The following CACNB1 variants were observed in gnomAD, a reference collection of about 807,000 sequenced individuals.
The protein encoded by CACNB1 is voltage-dependent L-type calcium channel subunit beta-1.
Under a neutral mutation model 71.6 loss-of-function variants are expected in CACNB1, and 29 were observed. That is an observed-to-expected ratio of 0.40 (90% confidence interval 0.30 to 0.55). CACNB1 has a LOEUF of 0.55. Ranked by LOEUF, CACNB1 falls within the 20% of genes least tolerant of loss-of-function variation. The pLI, the probability that CACNB1 is intolerant of heterozygous loss-of-function variation, is 0.38. For missense variants in CACNB1, 623 were observed against 801.8 expected, an observed-to-expected ratio of 0.78 and a Z score of 2.69; for synonymous variants, 300 against 319.6, an observed-to-expected ratio of 0.94 and a Z score of 0.65.
chr17:39,191,344 G>C, intron 3 of CACNB1, 130 bp downstream of exon 3: 1 of 806,154 alleles, frequency 1.2e-6, no homozygotes, highest in Non-Finnish European at 1.9e-6. Flanking sequence ...GTGAAGGACA[G>C]AGGAGCAAGG....
rs1567788453 is a variant in CACNB1, at chr17:39,175,523, G to A, written c.1467C>T (p.Gly489=). The A allele has an allele frequency of 6.2e-7, 1 of 1,613,880 alleles. No individual in the cohort carries two copies. The highest frequency in any genetic ancestry group is 1.1e-5 in the South Asian group (1 of 91,082). The stretch of plus-strand genomic sequence containing the variant: ...CTTGGCGGGACAGTGCCCGTAGCGT[G>A]CCTGCCCGGCCTGGTGGGTGGCTGC... ...YPSSHPPGRA[G]TLRALSRQDT... Residue 489 remains glycine (G), a synonymous_variant, in exon 14 of 14, where the codon GGC becomes GGT. Transcript: ENST00000394303. This position sits in a 1 kb window ranked among gnomAD's most constrained non-coding sequence, Gnocchi z 4.7.
At chr17:39,181,247 C>G (rs978284254) in intron 11 of CACNB1, among the ~76,000 whole-genome samples, 2 of 151,682 alleles carry the variant, frequency 1.3e-5, no homozygotes, top group Admixed American at 6.6e-5. Flanking sequence ...GTGCCCACCA[C>G]CATGCGCAGC....
chr17:39,189,520 T>C (rs549913520), intron 3 of CACNB1, among the ~76,000 whole-genome samples: 2 of 151,924 alleles, frequency 1.3e-5, no homozygotes, highest in East Asian at 4.0e-4. Context: ...TGTTTTGAGA[T>C]GGAGTTTCGC....
intron 11 of CACNB1, among the ~76,000 whole-genome samples, chr17:39,178,920 C>T (rs1433362146): frequency 6.6e-6 from 1 of 152,136 alleles, no homozygotes; most frequent in Non-Finnish European, 1.5e-5. Context: ...AGACAGTCTA[C>T]AGAATAGCTG....
At chr17:39,187,765 G>C (rs1451917676) in intron 3 of CACNB1, among the ~76,000 whole-genome samples, 164 bp from the exon 4 acceptor site, 1 of 152,176 alleles carries the variant, frequency 6.6e-6, no homozygotes, top group Non-Finnish European at 1.5e-5. Flanking sequence ...TGTATTTCCA[G>C]CACGTTGGGA....
chr17:39,194,263 G>A lies in CACNB1; in HGVS notation c.171+621C>T, dbSNP rs920527642. Among the ~76,000 whole-genome samples, 1 of 152,180 alleles carries A rather than the reference G, an allele frequency of 6.6e-6. No individual in the cohort carries two copies. The highest frequency in any genetic ancestry group is 1.5e-5 in the Non-Finnish European group (1 of 68,044). ...ATGAGAGCAGCCGCTTACTGACTGA[G>A]CACAGAAGACCCCAGAAAGCTATTC... On this transcript the variant is annotated intron_variant, in intron 2 of 13. Transcript: ENST00000394303. This position sits in a 1 kb window ranked among gnomAD's most constrained non-coding sequence, Gnocchi z 4.6.
At position 39,186,081 on chromosome 17, in the gene CACNB1, A is replaced by C. The variant is rs1433541800; in HGVS notation, c.628+415T>G. The C allele has an allele frequency of 6.2e-7, 1 of 1,613,826 alleles. No homozygotes were observed. The highest frequency in any genetic ancestry group is 1.3e-5 in the African/African-American group (1 of 74,904). On this transcript the variant is annotated intron_variant, in intron 6 of 13. Transcript: ENST00000394303. This position sits in a 1 kb window ranked among gnomAD's most constrained non-coding sequence, Gnocchi z 4.1. ...TCTAACTCTAGGGGGTCTAGTTCAA[A>C]GGCTAAGTTAGTCATTTCATTACCT...
rs190235919 is a variant in CACNB1, at chr17:39,187,811, C to T, written c.292-210G>A. Among the ~76,000 whole-genome samples, 812 of 151,946 alleles carry T rather than the reference C, an allele frequency of 5.3e-3. 11 individuals carry two copies. The highest frequency in any genetic ancestry group is 1.0e-2 in the South Asian group (48 of 4,816). ...CGTGGATCATCTGAGGTCAGGAGTC[C>T]GAGACCAGCCTGAACAACATGGTGA... On this transcript the variant is annotated intron_variant, in intron 3 of 13. Transcript: ENST00000394303.
chr17:39,178,492 A>G (rs1351877359), intron 11 of CACNB1, among the ~76,000 whole-genome samples: 1 of 150,872 alleles, frequency 6.6e-6, no homozygotes, highest in Admixed American at 6.7e-5. Context: ...GCGAGCCCCC[A>G]GCCTAGCCTC....
chr17:39,193,241 G>T (rs1165700963), intron 2 of CACNB1: 2 of 298,816 alleles, frequency 6.7e-6, no homozygotes, highest in South Asian at 5.1e-5. Flanking sequence ...CAGACACACA[G>T]GTGCACACAG....
In CACNB1 at chr17:39,191,500, C is replaced by G; in HGVS notation, c.265G>C (p.Ala89Pro). 6.2e-7 allele frequency: 1 copy of G among 1,607,540 alleles called. No individual in the cohort carries two copies. Among genetic ancestry groups the G allele is most frequent in the South Asian group, 1.1e-5 (1 of 90,158 alleles). Residue 89 changes from alanine to proline, a missense_variant, in exon 3 of 14, where the codon GCA becomes CCA. Transcript: ENST00000394303. ...EALRKEAERQ[A>P]LAQLEKAKTK... ...TTGGCCTTCTCGAGCTGCGCTAATG[C>G]CTGGCGCTCTGCTTCCTTCCTTAAG...
chr17:39,195,023 C>T, intron 1 of CACNB1, 53 bp from the exon 2 acceptor site: 1 of 1,292,018 alleles, frequency 7.7e-7, no homozygotes, highest in South Asian at 1.3e-5. Context: ...CCTTTCCCAA[C>T]CCTCATCTTG....
chr17:39,177,880 G>T (rs1198921210), intron 12 of CACNB1, 104 bp downstream of exon 12: 15 of 917,246 alleles, frequency 1.6e-5, no homozygotes, highest in Non-Finnish European at 2.7e-5. Context: ...CCACAGGCCT[G>T]ACCCAGGTGT....
intron 11 of CACNB1, among the ~76,000 whole-genome samples, chr17:39,180,659 C>CA (rs200675636): frequency 0.23 from 30,817 of 135,140 alleles, 3,862 homozygotes; most frequent in East Asian, 0.44. Context: ...CGTCCCCCCT[C>CA]AAAAAAAAAA....
chr17:39,179,378 G>A (rs2045685646), intron 11 of CACNB1, among the ~76,000 whole-genome samples: 1 of 151,004 alleles, frequency 6.6e-6, no homozygotes, highest in Admixed American at 6.6e-5. Flanking sequence ...CACGAGGTCA[G>A]GAGATCAAGA....
rs1409649435 is a variant in CACNB1, at chr17:39,194,582, C to T, written c.171+302G>A. Among the ~76,000 whole-genome samples, 1 of 152,032 alleles carries T rather than the reference C, an allele frequency of 6.6e-6. No homozygotes were observed. Among genetic ancestry groups the T allele is most frequent in the East Asian group, 1.9e-4 (1 of 5,180 alleles). The stretch of plus-strand genomic sequence containing the variant: ...GCCGGCAGGGGGAGTGGGTGACAGC[C>T]CGAAGCAAGCTGGAGGGAGGCAGGC... On this transcript the variant is annotated intron_variant, in intron 2 of 13. Coordinates refer to ENST00000394303, the MANE Select transcript of CACNB1 (RefSeq NM_000723.5). This position sits in a 1 kb window ranked among gnomAD's most constrained non-coding sequence, Gnocchi z 4.6.
chr17:39,177,114 A>G (rs2045598507), intron 13 of CACNB1: 2 of 1,425,660 alleles, frequency 1.4e-6, no homozygotes, highest in Non-Finnish European at 1.8e-6. Flanking sequence ...CAGACCCATC[A>G]AAAACCACAG....
chr17:39,191,692 C>A, intron 2 of CACNB1, 99 bp from the exon 3 acceptor site: 1 of 1,193,006 alleles, frequency 8.4e-7, no homozygotes, highest in East Asian at 2.6e-5. Flanking sequence ...TGCCTCGAGC[C>A]CCAGCCAGCC....
At chr17:39,190,740 A>T (rs572177744) in intron 3 of CACNB1, among the ~76,000 whole-genome samples, 23 of 151,994 alleles carry the variant, frequency 1.5e-4, no homozygotes, top group Middle Eastern at 3.4e-3. Context: ...AAATTAAATT[A>T]AAAAAAACAA....
Sources: gnomAD v4.1 joint callset for allele counts (sites outside exome capture counted in the v4.1 genomes callset) on GRCh38, gnomAD v4.1.1 for gene constraint, Gnocchi (gnomAD v3.1) non-coding constraint, MANE v1.5 for transcripts, NCBI Gene and HGNC (gene_info 2026-07-23, HGNC 2026-07-21) for gene names.